The following GABRB1 variants were observed in gnomAD, a reference collection of about 807,000 sequenced individuals.
The protein encoded by GABRB1 is gamma-aminobutyric acid type A receptor subunit beta1.
Under a neutral mutation model 51.6 loss-of-function variants are expected in GABRB1, and 17 were observed. The ratio of observed to expected loss-of-function variants is 0.33; its 90% CI spans 0.23 to 0.49. The LOEUF (loss-of-function observed/expected upper bound fraction) is 0.49, where lower values mean the gene tolerates loss of function less well. Ranked by LOEUF, GABRB1 falls within the 20% of genes least tolerant of loss-of-function variation. The pLI is 0.99. For synonymous variants in GABRB1, 247 were observed against 218.9 expected (o/e 1.13, Z -1.14); for missense variants, 410 against 600.6 (o/e 0.68, Z 3.32).
At chr4:47,001,437 C>T (rs1054921417) in intron 1 of GABRB1, among the ~76,000 whole-genome samples, 7 of 152,226 alleles carry the variant, frequency 4.6e-5, no homozygotes, top group Middle Eastern at 3.4e-3. Flanking sequence ...CCACCATGCC[C>T]GGCCAGATAT....
chr4:47,031,586 G>C lies in GABRB1; in HGVS notation c.-66G>C. 7.3e-7 allele frequency: 1 copy of C among 1,369,798 alleles called. No individual in the cohort carries two copies. Among genetic ancestry groups the C allele is most frequent in the Non-Finnish European group, 1.0e-6 (1 of 958,084 alleles). 84.9% of individuals were successfully genotyped at this position (1,369,798 alleles called of 1,614,324 possible). A position where few individuals can be genotyped will look rare whatever the true frequency, so the allele number is the denominator to read the frequency against. ...AGGTCCATTCGGGAATTACTGCCCA[G>C]CAGCCGACTAAGTTGCATTCCTTGA... On this transcript the variant is annotated 5_prime_UTR_variant, in exon 1 of 9. Coordinates refer to ENST00000295454, the MANE Select transcript of GABRB1 (RefSeq NM_000812.4).
At chr4:47,297,609 A>T (rs955701285) in intron 4 of GABRB1, among the ~76,000 whole-genome samples, 1 of 152,180 alleles carries the variant, frequency 6.6e-6, no homozygotes, top group Non-Finnish European at 1.5e-5. Flanking sequence ...AATTGTGGTA[A>T]TAATCAATAG....
At chr4:47,348,528 G>C (rs1726187896) in intron 5 of GABRB1, among the ~76,000 whole-genome samples, 1 of 152,116 alleles carries the variant, frequency 6.6e-6, no homozygotes, top group Admixed American at 6.5e-5. Flanking sequence ...TTGTGTTTAG[G>C]CTTGGGTTCC....
At chr4:47,149,931 T>A (rs1338601060) in intron 3 of GABRB1, among the ~76,000 whole-genome samples, 1 of 151,974 alleles carries the variant, frequency 6.6e-6, no homozygotes. Context: ...GCTCAATGAG[T>A]TCGAGCCACT....
At chr4:47,021,153 C>T (rs1165615311) in intron 1 of GABRB1, among the ~76,000 whole-genome samples, 1 of 152,166 alleles carries the variant, frequency 6.6e-6, no homozygotes, top group African/African-American at 2.4e-5. Flanking sequence ...TAATTTTTCT[C>T]TCCTATCACT....
At chr4:47,024,465 A>G (rs1459292183) in intron 1 of GABRB1, among the ~76,000 whole-genome samples, 2 of 152,032 alleles carry the variant, frequency 1.3e-5, no homozygotes, top group African/African-American at 4.8e-5. Context: ...ATATTTATTC[A>G]GCTTTAGTAT....
intron 1 of GABRB1, among the ~76,000 whole-genome samples, chr4:47,023,329 T>C (rs141840781): frequency 4.6e-5 from 7 of 152,198 alleles, no homozygotes; most frequent in Non-Finnish European, 7.4e-5. Flanking sequence ...AAGAGTGTTA[T>C]TGGGCTGTTT....
intron 4 of GABRB1, among the ~76,000 whole-genome samples, chr4:47,186,312 T>C (rs1251420703): frequency 2.0e-5 from 3 of 151,780 alleles, no homozygotes; most frequent in African/African-American, 7.3e-5. Flanking sequence ...AGTAAGTATA[T>C]ACAGAGAACA....
At chr4:47,106,935 C>T (rs1264957480) in intron 3 of GABRB1, among the ~76,000 whole-genome samples, 2 of 152,186 alleles carry the variant, frequency 1.3e-5, no homozygotes, top group Non-Finnish European at 2.9e-5. Context: ...GCTTCTCATT[C>T]TGTCCTCTTC....
chr4:47,123,512 A>G (rs1258685885), intron 3 of GABRB1, among the ~76,000 whole-genome samples: 2 of 88,900 alleles, frequency 2.2e-5, no homozygotes, highest in African/African-American at 9.2e-5. Context: ...TATATTATAT[A>G]TTATAATATA....
At chr4:47,181,839 C>T (rs1320360564) in intron 4 of GABRB1, among the ~76,000 whole-genome samples, 2 of 152,036 alleles carry the variant, frequency 1.3e-5, no homozygotes, top group Non-Finnish European at 2.9e-5. Context: ...TTCCTGCAAG[C>T]ATCATGGGTT....
chr4:47,315,052 G>A (rs769741702), intron 4 of GABRB1, among the ~76,000 whole-genome samples: 4 of 151,920 alleles, frequency 2.6e-5, no homozygotes, highest in Non-Finnish European at 5.9e-5. Context: ...AAGAGCTTCT[G>A]CACAGCAAAA....
chr4:47,102,305 C>T (rs1421817508), intron 3 of GABRB1, among the ~76,000 whole-genome samples: 1 of 151,900 alleles, frequency 6.6e-6, no homozygotes, highest in Non-Finnish European at 1.5e-5. Context: ...AACAAATAGC[C>T]ACAGGATGCC....
chr4:47,161,276 C>T lies in GABRB1; in HGVS notation c.268C>T (p.Gln90Ter). Residue 90 changes from glutamine to a stop codon, truncating the protein, a stop_gained, in exon 4 of 9, where the codon CAG becomes TAG. Transcript: ENST00000295454. LOFTEE classifies it high-confidence loss of function. ...TTATACACTCACCATGTATTTCCAG[C>T]AGTCTTGGAAAGACAAAAGGCTTTC... ...MDYTLTMYFQQSWKDKRLSYS... is the reference protein window; with the variant it reads ...MDYTLTMYFQ 3 of 1,609,422 alleles carry T rather than the reference C, an allele frequency of 1.9e-6. No homozygotes were observed. Among genetic ancestry groups the T allele is most frequent in the Non-Finnish European group, 2.5e-6 (3 of 1,177,518 alleles).
chr4:47,252,758 G>A (rs1280080708), intron 4 of GABRB1, among the ~76,000 whole-genome samples: 1 of 152,000 alleles, frequency 6.6e-6, no homozygotes, highest in African/African-American at 2.4e-5. Context: ...TCCACCCAAA[G>A]TGGAGGATCT....
intron 3 of GABRB1, among the ~76,000 whole-genome samples, chr4:47,102,540 G>T (rs1714768124): frequency 6.6e-6 from 1 of 151,942 alleles, no homozygotes; most frequent in Non-Finnish European, 1.5e-5. Flanking sequence ...AAGGAGTCAG[G>T]GTTAGATTCC....
intron 4 of GABRB1, among the ~76,000 whole-genome samples, chr4:47,249,056 G>T (rs1021617364): frequency 1.3e-5 from 2 of 151,802 alleles, no homozygotes; most frequent in Non-Finnish European, 2.9e-5. Context: ...CTGGGTTTGG[G>T]TTTGGTTTGC....
chr4:47,290,085 T>G (rs1279969805), intron 4 of GABRB1, among the ~76,000 whole-genome samples: 1 of 152,234 alleles, frequency 6.6e-6, no homozygotes, highest in Non-Finnish European at 1.5e-5. Context: ...GATGGAAACT[T>G]ACTGTCTAGA....
At chr4:47,082,947 T>C (rs1187550144) in intron 3 of GABRB1, among the ~76,000 whole-genome samples, 1 of 152,168 alleles carries the variant, frequency 6.6e-6, no homozygotes, top group African/African-American at 2.4e-5. Flanking sequence ...TTTACCTTAA[T>C]AGTATCTGTA....
Sources: allele counts gnomAD v4.1 joint callset (sites outside exome capture counted in the v4.1 genomes callset), GRCh38; gene constraint gnomAD v4.1.1; transcripts MANE v1.5; gene names NCBI Gene and HGNC (gene_info 2026-07-23, HGNC 2026-07-21).